The following PREPL variants were observed in gnomAD, a reference collection of about 807,000 sequenced individuals.
PREPL encodes prolyl endopeptidase like, also known as prolyl endopeptidase-like.
A neutral mutation model predicts 70.6 loss-of-function variants in PREPL; 77 were observed. The observed-to-expected ratio is 1.09, with a 90% CI of 0.91 to 1.32. The LOEUF (loss-of-function observed/expected upper bound fraction) is 1.32. Among genes scored for constraint, PREPL ranks in the 40% most tolerant of loss-of-function variants. The pLI is 0.00. For synonymous variants in PREPL, 315 were observed against 264.8 expected, an observed-to-expected ratio of 1.19 and a Z score of -1.84; for missense variants, 1,002 against 778.2, an observed-to-expected ratio of 1.29 and a Z score of -3.42.
At position 44,321,077 on chromosome 2, in the gene PREPL, G is replaced by A. The variant is rs2103654057; in HGVS notation, c.*279C>T. On this transcript the variant is annotated 3_prime_UTR_variant, in exon 14 of 14. Coordinates refer to ENST00000409411, the MANE Select transcript of PREPL (RefSeq NM_001171613.2). Reference sequence around the variant, plus strand: ...GTTCTGACTGGAAGGGAGGCCTGGAGCTCTGCTATCACCAATCCTTCCCTT... The same window carrying A: ...GTTCTGACTGGAAGGGAGGCCTGGAACTCTGCTATCACCAATCCTTCCCTT... The A allele has an allele frequency of 7.0e-6, 3 of 426,374 alleles. No homozygotes were observed. The highest frequency in any genetic ancestry group is 6.7e-4 in the Middle Eastern group (1 of 1,502). 26.4% of individuals were successfully genotyped at this position (426,374 alleles called of 1,614,324 possible). A position where few individuals can be genotyped will look rare whatever the true frequency, so the allele number is the denominator to read the frequency against.
At chr2:44,356,540 G>C (rs373652490) in intron 1 of PREPL, among the ~76,000 whole-genome samples, 8 of 103,910 alleles carry the variant, frequency 7.7e-5, no homozygotes, top group African/African-American at 3.1e-4. Flanking sequence ...GCAAGACTCC[G>C]TCTCAAACAA....
chr2:44,320,353 G>C lies in PREPL; in HGVS notation c.*1003C>G, dbSNP rs757801204. 2.5e-6 allele frequency: 4 copies of C among 1,614,142 alleles called. No individual in the cohort carries two copies. Among genetic ancestry groups the C allele is most frequent in the South Asian group, 1.1e-5 (1 of 91,086 alleles). ...ACAAGAGAGCTGGATGGCATCGACA[G>C]AATCTTTATCGTGGTTCTGAATTTT... On this transcript the variant is annotated 3_prime_UTR_variant, in exon 14 of 14. Transcript: ENST00000409411.
At chr2:44,333,357 T>C (rs778729022) in intron 7 of PREPL, among the ~76,000 whole-genome samples, 16 of 152,130 alleles carry the variant, frequency 1.1e-4, no homozygotes, top group Non-Finnish European at 2.1e-4. Context: ...TGCACTAACA[T>C]CCCTCTTACA....
At chr2:44,345,613 G>C (rs1014326950) in intron 2 of PREPL, among the ~76,000 whole-genome samples, 1 of 152,144 alleles carries the variant, frequency 6.6e-6, no homozygotes, top group Non-Finnish European at 1.5e-5. Flanking sequence ...CTCCCAAAGT[G>C]CTGGGATTAC....
intron 1 of PREPL, chr2:44,359,541 A>C: frequency 6.2e-7 from 1 of 1,613,494 alleles, no homozygotes; most frequent in Non-Finnish European, 8.5e-7. Flanking sequence ...GCTAACTCTG[A>C]TATCTTGGGT....
At chr2:44,323,945 A>G (rs947445030) in intron 10 of PREPL, among the ~76,000 whole-genome samples, 2 of 152,196 alleles carry the variant, frequency 1.3e-5, no homozygotes, top group Non-Finnish European at 2.9e-5. Flanking sequence ...CCAAAACTGA[A>G]AGCAGGGTCT....
chr2:44,323,461 G>C, intron 10 of PREPL, 50 bp from the exon 11 acceptor site: 1 of 1,437,306 alleles, frequency 7.0e-7, no homozygotes, highest in Non-Finnish European at 9.4e-7. Context: ...GTTGGTAAGT[G>C]AGTTTCAGAA....
At chr2:44,343,683 A>T in intron 4 of PREPL, 62 bp downstream of exon 4, 1 of 1,484,942 alleles carries the variant, frequency 6.7e-7, no homozygotes, top group Non-Finnish European at 9.4e-7. Context: ...GCGACAAAAA[A>T]ATGTTTCAAA....
intron 2 of PREPL, among the ~76,000 whole-genome samples, chr2:44,345,057 T>C (rs1675642920): frequency 6.6e-6 from 1 of 152,196 alleles, no homozygotes; most frequent in Admixed American, 6.5e-5. Flanking sequence ...CCAACAACTA[T>C]ACACAGTCTT....
chr2:44,332,438 A>G, intron 8 of PREPL, 21 bp downstream of exon 8: 1 of 1,587,682 alleles, frequency 6.3e-7, no homozygotes, highest in East Asian at 2.2e-5. Flanking sequence ...GGGAGCTGAA[A>G]GTGAAGATTA....
chr2:44,318,625 A>AC lies in PREPL; in HGVS notation c.*2730_*2731insG, dbSNP rs749581831. On this transcript the variant is annotated 3_prime_UTR_variant, in exon 14 of 14. Transcript: ENST00000409411. ...GAAATGATACATTCTGTGCCTATGC[A>AC]AACATATGATACATTAAAAACAAAA... 1.4e-4 allele frequency: 22 copies of AC among 152,794 alleles called. No individual in the cohort carries two copies. The highest frequency in any genetic ancestry group is 5.3e-4 in the African/African-American group (22 of 41,420). The allele number at this position is 152,794 out of a possible 1,614,324, so 9.5% of individuals were successfully genotyped here.
chr2:44,325,201 T>G (rs185409289), intron 10 of PREPL, among the ~76,000 whole-genome samples: 1 of 152,234 alleles, frequency 6.6e-6, no homozygotes, highest in Non-Finnish European at 1.5e-5. Flanking sequence ...GTGACCCATG[T>G]GTGACTTGGG....
Position 44,332,472 on chromosome 2 carries a change from T to C in PREPL, c.1073A>G (p.Glu358Gly). 6.2e-7 allele frequency: 1 copy of C among 1,613,886 alleles called. No homozygotes were observed. Among genetic ancestry groups the C allele is most frequent in the Non-Finnish European group, 8.5e-7 (1 of 1,179,776 alleles). Reference sequence around the variant, plus strand: ...TATAAGACCTACCTTGCTTTTGGCTTCTAGACGTAAAACGCGACTAGTCTT... The same window carrying C: ...TATAAGACCTACCTTGCTTTTGGCTCCTAGACGTAAAACGCGACTAGTCTT... ...ITKTSRVLRL[E>G]AKSKDGKLVP... The change falls in exon 8 of 14, where the codon GAA becomes GGA. Residue 358 changes from glutamate to glycine, a missense_variant. Physicochemically the swap from Glu to Gly is moderately conservative, Grantham distance 98. Coordinates refer to ENST00000409411, the MANE Select transcript of PREPL (RefSeq NM_001171613.2).
intron 8 of PREPL, among the ~76,000 whole-genome samples, chr2:44,331,250 T>TC (rs1674055160): frequency 6.6e-6 from 1 of 151,958 alleles, no homozygotes; most frequent in African/African-American, 2.4e-5. Flanking sequence ...GCCCTACACT[T>TC]CTTCTGTAGG....
rs138167138 is a variant in PREPL, at chr2:44,323,909, G to A, written c.1480-498C>T. On this transcript the variant is annotated intron_variant, in intron 10 of 13. Coordinates refer to ENST00000409411, the MANE Select transcript of PREPL (RefSeq NM_001171613.2). ...AAGCTTAAGATTACCATATGATCCA[G>A]CAATTCCACTCCTGGCATATAATCC... Among the ~76,000 whole-genome samples, 648 of 152,272 alleles carry A rather than the reference G, an allele frequency of 4.3e-3. 5 individuals are homozygous for A. The highest frequency in any genetic ancestry group is 0.015 in the African/African-American group (608 of 41,552).
rs1673163244 is a variant in PREPL, at chr2:44,323,263, T to C, written c.1628A>G (p.Gln543Arg). 1 of 1,594,550 alleles carries C rather than the reference T, an allele frequency of 6.3e-7. No homozygotes were observed. Among genetic ancestry groups the C allele is most frequent in the Non-Finnish European group, 8.5e-7 (1 of 1,171,122 alleles). ...TCTAACACAATTGTCTTTCACTACCTGAGGTTTAATATTTTGATAGGGACA... is the reference window on the plus strand; with the variant it reads ...TCTAACACAATTGTCTTTCACTACCCGAGGTTTAATATTTTGATAGGGACA... ...RYCPYQNIKP[Q>R]HYPSIHITAY... Residue 543 changes from glutamine to arginine, a missense_variant and splice_region_variant, in exon 11 of 14, where the codon CAG (glutamine) becomes CGG (arginine). Coordinates refer to ENST00000409411, the MANE Select transcript of PREPL (RefSeq NM_001171613.2).
At chr2:44,353,081 T>C (rs558368899) in intron 1 of PREPL, among the ~76,000 whole-genome samples, 2 of 152,072 alleles carry the variant, frequency 1.3e-5, no homozygotes, top group Non-Finnish European at 2.9e-5. Context: ...ACTCTGTCTC[T>C]ATTTAAAAAA....
At chr2:44,346,511 A>G in intron 1 of PREPL, 121 bp from the exon 2 acceptor site, 1 of 863,978 alleles carries the variant, frequency 1.2e-6, no homozygotes, top group East Asian at 2.5e-5. Context: ...ATAAGATTAA[A>G]TAGTAGGTAT....
Position 44,332,504 on chromosome 2 carries a change from T to C in PREPL, c.1041A>G (p.Pro347=). The change falls in exon 8 of 14, where the codon CCA becomes CCG. Residue 347 remains proline, a synonymous_variant. Transcript: ENST00000409411. ...GTAAAACGCGACTAGTCTTTGTGAT[T>C]GGGTCTTCATGCCCAGTTTCCTCAA... ...KLFEETGHED[P]ITKTSRVLRL... The C allele has an allele frequency of 1.2e-6, 2 of 1,614,152 alleles. No individual in the cohort carries two copies. The highest frequency in any genetic ancestry group is 1.7e-6 in the Non-Finnish European group (2 of 1,180,002).
Sources: gnomAD v4.1 joint callset for allele counts (sites outside exome capture counted in the v4.1 genomes callset) on GRCh38, gnomAD v4.1.1 for gene constraint, MANE v1.5 for transcripts, NCBI Gene and HGNC (gene_info 2026-07-23, HGNC 2026-07-21) for gene names.